NEB: variants seen among roughly 807,000 people sequenced by gnomAD.
NEB encodes the protein nebulin, also known as nemaline myopathy type 2.
A neutral mutation model predicts 952.2 loss-of-function variants in NEB; 512 were observed. That is an observed-to-expected ratio of 0.54 (90% CI 0.50 to 0.58). NEB has a LOEUF of 0.58. NEB is among the 20% of genes least tolerant of loss of function. NEB has a pLI of 0.00. For synonymous variants in NEB, 2,900 were observed against 3,149.8 expected (o/e 0.92, Z 2.66); for missense variants, 8,428 against 9,231.1 (o/e 0.91, Z 3.56).
chr2:151,678,900 A>C (rs563918991), intron 32 of NEB, among the ~76,000 whole-genome samples: 2 of 152,320 alleles, frequency 1.3e-5, no homozygotes, highest in East Asian at 3.9e-4. Flanking sequence ...TTTGTTATTC[A>C]ATCATCACAT....
intron 159 of NEB, 32 bp downstream of exon 159, chr2:151,514,286 A>G: frequency 7.0e-7 from 1 of 1,430,886 alleles, no homozygotes. Context: ...ATGCTGTATG[A>G]ATTACGTGCA....
chr2:151,537,592 G>C (rs13425109), intron 140 of NEB, among the ~76,000 whole-genome samples: 91,445 of 151,976 alleles, frequency 0.6, 28,067 homozygotes, highest in Admixed American at 0.7. Context: ...CACTTCATTG[G>C]ATCAAAATAG....
Position 151,538,034 on chromosome 2 carries a change from G to A in NEB, c.20998-58C>T. ...CTTACCCAAAGTTAATGTAAATATG[G>A]CTTCTTTCTGGAGAATTTCAGAAGA... On this transcript the variant is annotated intron_variant, in intron 139 of 181. Coordinates refer to ENST00000397345, the MANE Select transcript of NEB (RefSeq NM_001164508.2). The A allele has an allele frequency of 7.2e-6, 11 of 1,531,494 alleles. No individual in the cohort carries two copies. The South Asian group carries it at 1.3e-4, about 17-fold the overall frequency. 94.9% of individuals were successfully genotyped at this position (1,531,494 alleles called of 1,614,324 possible). A position where few individuals can be genotyped will look rare whatever the true frequency, so the allele number is the denominator to read the frequency against.
chr2:151,493,316 A>G (rs1455064526), intron 176 of NEB, 37 bp downstream of exon 176: 3 of 1,442,810 alleles, frequency 2.1e-6, no homozygotes, highest in Non-Finnish European at 2.9e-6. Context: ...TTATTTTCCA[A>G]GTTGTTGCAC....
chr2:151,660,301 C>T (rs771071216), intron 46 of NEB, among the ~76,000 whole-genome samples: 2 of 152,144 alleles, frequency 1.3e-5, no homozygotes, highest in Non-Finnish European at 2.9e-5. Flanking sequence ...CTCTGTACTC[C>T]AATTTTCATC....
rs1181321097 is a variant in NEB, at chr2:151,643,967, GGCT to G, written c.7804_7806del (p.Ser2602del). The G allele has an allele frequency of 1.9e-6, 3 of 1,613,892 alleles. No individual in the cohort carries two copies. Among genetic ancestry groups the G allele is most frequent in the Non-Finnish European group, 2.5e-6 (3 of 1,179,868 alleles). ...AACACCACCCCCAGCATGTCCACTG[GGCT>G]GCTGAACTTGGTCTTCCACTTCTCA... On this transcript the variant is annotated inframe_deletion, in exon 57 of 182. Transcript: ENST00000397345.
Position 151,549,715 on chromosome 2 carries a change from G to T in NEB, c.19970C>A (p.Thr6657Asn), listed in dbSNP as rs753872949. 4 of 1,593,412 alleles carry T rather than the reference G, an allele frequency of 2.5e-6. No individual in the cohort carries two copies. The highest frequency in any genetic ancestry group is 2.6e-6 in the Non-Finnish European group (3 of 1,169,052). ...SSNLYKTSLRTLPTGYRLPGD... is the reference protein window; with the variant it reads ...SSNLYKTSLRNLPTGYRLPGD... ...TGGAAGTCTATATCCAGTGGGCAGG[G>T]TGCGCAGGCTGGTTTTGTATAGATT... Residue 6657 changes from threonine (T) to asparagine (N), a missense_variant, in exon 130 of 182, where the codon ACC (threonine) becomes AAC (asparagine). By Grantham distance (65) the Thr-to-Asn change is moderately conservative (BLOSUM62 0). Coordinates refer to ENST00000397345, the MANE Select transcript of NEB (RefSeq NM_001164508.2).
intron 165 of NEB, among the ~76,000 whole-genome samples, chr2:151,503,711 C>A (rs1473601903): frequency 6.6e-6 from 1 of 152,114 alleles, no homozygotes; most frequent in African/African-American, 2.4e-5. Context: ...AATAAATTTA[C>A]CAATGAGAAA....
Position 151,497,699 on chromosome 2 carries a change from A to C in NEB, c.24227T>G (p.Met8076Arg). Reference sequence around the variant, plus strand: ...GACAGGTAAAGGGGTTCCCTTGCCCATGTTTTCTTTGTATAACACCTGTGC... The same window carrying C: ...GACAGGTAAAGGGGTTCCCTTGCCCCTGTTTTCTTTGTATAACACCTGTGC... ...NLSSVLYKEN[M>R]GKGTPLPVTP... Residue 8076 changes from methionine to arginine, a missense_variant, in exon 171 of 182, where the codon ATG (methionine) becomes AGG (arginine). This residue lies in a region of NEB where 3,374 missense variants were observed against 3,651.5 expected (regional missense o/e 0.92). Transcript: ENST00000397345. 1 of 1,579,862 alleles carries C rather than the reference A, an allele frequency of 6.3e-7. No individual in the cohort carries two copies.
At chr2:151,633,988 A>G in intron 64 of NEB, 23 bp from the exon 65 acceptor site, 1 of 1,604,280 alleles carries the variant, frequency 6.2e-7, no homozygotes, top group Non-Finnish European at 8.5e-7. Flanking sequence ...TGCACAAATC[A>G]GGTTTTTATT....
rs34532796 is a variant in NEB at position 151,662,200 on chromosome 2, A to G, written c.5905T>C (p.Tyr1969His). The change falls in exon 46 of 182, where the codon TAT becomes CAT. Residue 1969 changes from tyrosine (Y) to histidine (H), a missense_variant. This residue lies in a region of NEB where 2,851 missense variants were observed against 2,791.5 expected (regional missense o/e 1.02). Coordinates refer to ENST00000397345, the MANE Select transcript of NEB (RefSeq NM_001164508.2). The part of the protein sequence containing the change: ...KYRQHPDTLK[Y>H]STLMDSMNMV... Reference sequence around the variant, plus strand: ...TTCATCGAGTCCATGAGTGTGGAATACTTCAAAGTGTCTGGGTGCTGGCGG... The same window carrying G: ...TTCATCGAGTCCATGAGTGTGGAATGCTTCAAAGTGTCTGGGTGCTGGCGG... The G allele has an allele frequency of 1.0e-3, 1,638 of 1,613,652 alleles. 22 individuals are homozygous for G. In the African/African-American group the frequency reaches 0.019, roughly 19 times the overall value.
intron 84 of NEB, among the ~76,000 whole-genome samples, chr2:151,605,372 G>A (rs2097658746): frequency 9.0e-6 from 1 of 111,444 alleles, no homozygotes; most frequent in African/African-American, 2.5e-5. Context: ...TAGGTCAAAT[G>A]ATCTCCTAAG....
intron 54 of NEB, among the ~76,000 whole-genome samples, chr2:151,648,031 A>C (rs2098982557): frequency 6.6e-6 from 1 of 152,210 alleles, no homozygotes; most frequent in Admixed American, 6.5e-5. Flanking sequence ...AGATATATAG[A>C]TATAGATCTG....
chr2:151,490,619 C>T (rs769643288), intron 179 of NEB, 101 bp from the exon 180 acceptor site: 2 of 1,433,694 alleles, frequency 1.4e-6, no homozygotes, highest in Non-Finnish European at 1.9e-6. Context: ...CTTTGCCAAG[C>T]ATGGTTTTAA....
intron 60 of NEB, among the ~76,000 whole-genome samples, chr2:151,640,961 T>A (rs1316937465): frequency 2.6e-5 from 4 of 152,140 alleles, no homozygotes; most frequent in African/African-American, 9.7e-5. Context: ...TTTAGATGTA[T>A]AAATTTCAGG....
intron 143 of NEB, 44 bp from the exon 144 acceptor site, chr2:151,531,940 T>G (rs1379783456): frequency 7.6e-7 from 1 of 1,318,510 alleles, no homozygotes; most frequent in South Asian, 1.3e-5. Flanking sequence ...AGTTGTAGAG[T>G]GGGCTTTAAG....
chr2:151,494,638 T>TG (rs1020004840), intron 173 of NEB, among the ~76,000 whole-genome samples: 2 of 152,108 alleles, frequency 1.3e-5, no homozygotes, highest in African/African-American at 4.8e-5. Context: ...TGTTTGTTTT[T>TG]TTTTGTTTTG....
At chr2:151,505,772 C>G (rs2068351479) in intron 164 of NEB, among the ~76,000 whole-genome samples, 1 of 152,190 alleles carries the variant, frequency 6.6e-6, no homozygotes. Context: ...CGCTTTGTCT[C>G]TCTCTCGTCT....
chr2:151,568,161 G>A lies in NEB; in HGVS notation c.17754C>T (p.Gly5918=). 6.2e-7 allele frequency: 1 copy of A among 1,613,372 alleles called. No homozygotes were observed. Among genetic ancestry groups the A allele is most frequent in the Non-Finnish European group, 8.5e-7 (1 of 1,179,616 alleles). The stretch of plus-strand genomic sequence containing the variant: ...AACCTGTGGCTTTTTGTCTCTCCCA[G>A]CCTTCCTTGTAGAGATACTGAAAGA... ...RILDQYLYKE[G]WERQKATGYI... is the part of the protein sequence containing the mutation. Residue 5918 remains glycine, a synonymous_variant, in exon 113 of 182, where the codon GGC becomes GGT. Transcript: ENST00000397345.
Sources: gnomAD v4.1 joint callset for allele counts (sites outside exome capture counted in the v4.1 genomes callset) on GRCh38, gnomAD v4.1.1 for gene constraint, gnomAD v4.1.1 regional missense constraint, MANE v1.5 for transcripts, NCBI Gene and HGNC (gene_info 2026-07-23, HGNC 2026-07-21) for gene names.